Variants in NCAM2 observed in about 807,000 individuals in gnomAD.
The protein encoded by NCAM2 is neural cell adhesion molecule 2, also known as N-CAM-2.
NCAM2 carries 30 observed loss-of-function variants against 98.1 expected under a neutral mutation model. The observed-to-expected ratio is 0.31, with a 90% CI of 0.23 to 0.41. The LOEUF is 0.41. Among genes scored for constraint, NCAM2 ranks in the 10% least tolerant of loss-of-function variants. The pLI, the probability that NCAM2 is intolerant of heterozygous loss-of-function variation, is 1.00. For missense variants in NCAM2, 867 were observed against 1,005.8 expected (o/e 0.86, Z 1.87); for synonymous variants, 368 against 342.4 (o/e 1.07, Z -0.83).
At chr21:21,382,431 T>G (rs2076173203) in intron 9 of NCAM2, among the ~76,000 whole-genome samples, 1 of 152,178 alleles carries the variant, frequency 6.6e-6, no homozygotes, top group South Asian at 2.1e-4. Context: ...GTTCTCTTGT[T>G]TCCTCTTCAA....
intron 1 of NCAM2, among the ~76,000 whole-genome samples, chr21:21,082,287 A>AC (rs1249004782): frequency 4.7e-5 from 7 of 149,902 alleles, no homozygotes; most frequent in Admixed American, 2.7e-4. Flanking sequence ...AAAACAAAAA[A>AC]AAAAAAACAA....
intron 1 of NCAM2, among the ~76,000 whole-genome samples, chr21:21,258,332 A>G (rs1470346740): frequency 6.6e-6 from 1 of 152,188 alleles, no homozygotes; most frequent in Non-Finnish European, 1.5e-5. Flanking sequence ...CTCAGGACAA[A>G]GATCAAAGTG....
intron 8 of NCAM2, among the ~76,000 whole-genome samples, chr21:21,350,550 G>A (rs941825481): frequency 6.6e-6 from 1 of 152,076 alleles, no homozygotes; most frequent in African/African-American, 2.4e-5. Flanking sequence ...TTGCTTTGAG[G>A]AAGATATTGA....
chr21:21,468,629 T>C (rs777281757), intron 13 of NCAM2, 33 bp from the exon 14 acceptor site: 5 of 1,578,848 alleles, frequency 3.2e-6, no homozygotes, highest in Non-Finnish European at 4.3e-6. Flanking sequence ...CTGAAATGTG[T>C]GCAAATGAAG....
chr21:21,226,181 G>A (rs2147158296), intron 1 of NCAM2, among the ~76,000 whole-genome samples: 1 of 152,078 alleles, frequency 6.6e-6, no homozygotes, highest in South Asian at 2.1e-4. Context: ...GGGAGGCAAA[G>A]GATGAAAAAC....
chr21:21,029,975 A>C (rs1042325335), intron 1 of NCAM2, among the ~76,000 whole-genome samples: 1 of 152,212 alleles, frequency 6.6e-6, no homozygotes, highest in Non-Finnish European at 1.5e-5. Flanking sequence ...TAAATCTGCA[A>C]TAAATTTCAT....
At chr21:21,253,238 A>G (rs1355151614) in intron 1 of NCAM2, among the ~76,000 whole-genome samples, 4 of 152,164 alleles carry the variant, frequency 2.6e-5, no homozygotes, top group Admixed American at 2.6e-4. Context: ...TACGAAATTC[A>G]TTAAGCAATT....
intron 1 of NCAM2, among the ~76,000 whole-genome samples, chr21:21,121,773 G>T (rs2066679743): frequency 6.6e-6 from 1 of 152,340 alleles, no homozygotes. Flanking sequence ...AGGAATTCCT[G>T]CCAGAATCAT....
At chr21:21,012,849 T>G (rs941826923) in intron 1 of NCAM2, among the ~76,000 whole-genome samples, 1 of 152,200 alleles carries the variant, frequency 6.6e-6, no homozygotes, top group African/African-American at 2.4e-5. Context: ...ATTATTATTA[T>G]GTCTTTATGG....
chr21:21,416,719 T>A (rs2077001725), intron 10 of NCAM2, among the ~76,000 whole-genome samples: 1 of 152,166 alleles, frequency 6.6e-6, no homozygotes, highest in African/African-American at 2.4e-5. Flanking sequence ...TAATGGTCTA[T>A]AATATACCCT....
At position 21,074,025 on chromosome 21, in the gene NCAM2, T is replaced by A. The variant is rs1027742248; in HGVS notation, c.55+75407T>A. Among the ~76,000 whole-genome samples, 7 of 152,302 alleles carry A rather than the reference T, an allele frequency of 4.6e-5. No individual in the cohort carries two copies. The East Asian group carries it at 1.4e-3, about 29-fold the overall frequency. ...AGCTCTTTCTACAACACAGTGCTCT[T>A]GGTAGTTCCTAATATTATATTGTTT... On this transcript the variant is annotated intron_variant, in intron 1 of 17. Coordinates refer to ENST00000400546, the MANE Select transcript of NCAM2 (RefSeq NM_004540.5).
intron 15 of NCAM2, among the ~76,000 whole-genome samples, chr21:21,505,236 T>C (rs529619965): frequency 1.3e-5 from 2 of 151,940 alleles, no homozygotes; most frequent in South Asian, 4.2e-4. Context: ...TAAAAAAGAG[T>C]AGGATCTTAA....
At chr21:21,440,750 GA>G (rs935354934) in intron 12 of NCAM2, among the ~76,000 whole-genome samples, 1 of 151,460 alleles carries the variant, frequency 6.6e-6, no homozygotes, top group African/African-American at 2.4e-5. Flanking sequence ...AAAAAGAAAA[GA>G]AAAAAATGGA....
At chr21:21,477,249 G>C (rs368251183) in intron 14 of NCAM2, 42 bp from the exon 15 acceptor site, 2 of 1,461,718 alleles carry the variant, frequency 1.4e-6, no homozygotes, top group Non-Finnish European at 1.8e-6. Context: ...TGTCACTTTA[G>C]TGTATGGATA....
At chr21:21,452,171 CA>C (rs1166398873) in intron 12 of NCAM2, among the ~76,000 whole-genome samples, 1 of 22,002 alleles carries the variant, frequency 4.5e-5, no homozygotes. Context: ...GAACTGACCA[CA>C]CACACACACA....
chr21:21,197,276 C>G (rs1276190247), intron 1 of NCAM2, among the ~76,000 whole-genome samples: 5 of 152,064 alleles, frequency 3.3e-5, no homozygotes, highest in African/African-American at 1.2e-4. Context: ...ATTGCAGGTG[C>G]CCAGCACCAC....
At chr21:21,495,769 G>A (rs747358168) in intron 15 of NCAM2, among the ~76,000 whole-genome samples, 5 of 151,560 alleles carry the variant, frequency 3.3e-5, no homozygotes, top group African/African-American at 7.3e-5. Context: ...GACTCCTTAC[G>A]TCAAATGGGA....
At chr21:21,025,154 C>T (rs1053403743) in intron 1 of NCAM2, among the ~76,000 whole-genome samples, 2 of 151,500 alleles carry the variant, frequency 1.3e-5, no homozygotes, top group Non-Finnish European at 2.9e-5. Context: ...GGTGCAATCT[C>T]GGCTCACTGC....
At chr21:21,017,016 A>G (rs1230731555) in intron 1 of NCAM2, among the ~76,000 whole-genome samples, 1 of 152,178 alleles carries the variant, frequency 6.6e-6, no homozygotes, top group East Asian at 1.9e-4. Flanking sequence ...TTCAAGGTAA[A>G]TATTTTTATT....
Sources: gnomAD v4.1 joint callset for allele counts (sites outside exome capture counted in the v4.1 genomes callset) on GRCh38, gnomAD v4.1.1 for gene constraint, MANE v1.5 for transcripts, NCBI Gene and HGNC (gene_info 2026-07-23, HGNC 2026-07-21) for gene names.